JAK1: variants seen among roughly 807,000 people sequenced by gnomAD.
JAK1 encodes the protein Janus kinase 1, also known as tyrosine-protein kinase JAK1.
A neutral mutation model predicts 136.6 loss-of-function variants in JAK1; 16 were observed. The ratio of observed to expected loss-of-function variants is 0.12; its 90% CI spans 0.08 to 0.18. The LOEUF is 0.18. JAK1 is among the 10% of genes least tolerant of loss of function. The pLI is 1.00. For synonymous variants in JAK1, 492 were observed against 519.5 expected, an observed-to-expected ratio of 0.95 and a Z score of 0.72; for missense variants, 859 against 1,450.1, an observed-to-expected ratio of 0.59 and a Z score of 6.62.
intron 11 of JAK1, among the ~76,000 whole-genome samples, chr1:64,853,207 G>A (rs1308613348): frequency 6.6e-6 from 1 of 152,198 alleles, no homozygotes; most frequent in Non-Finnish European, 1.5e-5. Context: ...ACATGGCAAA[G>A]GGAAGAGAGA....
At chr1:64,955,051 A>G (rs1646158767) in intron 1 of JAK1, among the ~76,000 whole-genome samples, 1 of 152,240 alleles carries the variant, frequency 6.6e-6, no homozygotes, top group African/African-American at 2.4e-5. Context: ...ACAAGAATCA[A>G]GGATGTAATT....
intron 22 of JAK1, among the ~76,000 whole-genome samples, chr1:64,837,344 T>G (rs1304481058): frequency 6.6e-6 from 1 of 152,164 alleles, no homozygotes; most frequent in African/African-American, 2.4e-5. Flanking sequence ...GAGTGCTGAT[T>G]GGTTATGTCG....
intron 1 of JAK1, among the ~76,000 whole-genome samples, chr1:65,050,082 A>G (rs928962332): frequency 6.6e-6 from 1 of 152,176 alleles, no homozygotes; most frequent in African/African-American, 2.4e-5. Context: ...GGGATTTTGA[A>G]CACCTTGTTT....
In JAK1 at chr1:64,928,786, A is replaced by AAACAAAAAC. The variant is rs1553169992; in HGVS notation, c.-78+37546_-78+37547insGTTTTTGTT. Reference sequence around the variant, plus strand: ...AGTGCTATAAAACTCTGCAAAAAAAAAAAAAAAAAACAAAAAAAAAAAACT... The same window carrying AAACAAAAAC: ...AGTGCTATAAAACTCTGCAAAAAAAAAACAAAAACAAAAAAAAAACAAAAAAAAAAAACT... On this transcript the variant is annotated intron_variant, in intron 1 of 24. Coordinates refer to ENST00000342505, the MANE Select transcript of JAK1 (RefSeq NM_002227.4). Among the ~76,000 whole-genome samples, 433 of 117,946 alleles carry AAACAAAAAC rather than the reference A, an allele frequency of 3.7e-3. 9 individuals carry two copies. Among genetic ancestry groups the AAACAAAAAC allele is most frequent in the Middle Eastern group, 0.022 (6 of 274 alleles). The allele number at this position is 117,946 out of a possible 152,430, so 77.4% of individuals were successfully genotyped here.
chr1:65,024,221 C>T (rs1222972376), intron 2 of JAK1, among the ~76,000 whole-genome samples: 1 of 152,120 alleles, frequency 6.6e-6, no homozygotes, highest in African/African-American at 2.4e-5. Context: ...ACATTCCTAC[C>T]AGCAAGGTAC....
At chr1:64,903,287 A>G (rs377350154) in intron 1 of JAK1, among the ~76,000 whole-genome samples, 1 of 152,188 alleles carries the variant, frequency 6.6e-6, no homozygotes, top group African/African-American at 2.4e-5. Flanking sequence ...TCGGCCTCCC[A>G]AAGTGCTGGG....
chr1:64,836,374 A>G (rs1654479660), intron 22 of JAK1, among the ~76,000 whole-genome samples, 159 bp from the exon 23 acceptor site: 3 of 152,134 alleles, frequency 2.0e-5, no homozygotes, highest in Admixed American at 6.5e-5. Context: ...ATACGCTGCT[A>G]TGGTGCACAT....
intron 3 of JAK1, 89 bp from the exon 4 acceptor site, chr1:64,879,237 ACT>A (rs1644731505): frequency 1.4e-6 from 2 of 1,467,202 alleles, no homozygotes; most frequent in Non-Finnish European, 1.9e-6. Context: ...AAGATAAGGA[ACT>A]CTCTCATCCA....
At chr1:65,038,770 C>T (rs765348554) in intron 2 of JAK1, among the ~76,000 whole-genome samples, 76 of 152,144 alleles carry the variant, frequency 5.0e-4, no homozygotes, top group Admixed American at 1.1e-3. Flanking sequence ...TCCTGAGTAG[C>T]TGGGATTACA....
chr1:64,952,238 G>A (rs1646104804), intron 1 of JAK1, among the ~76,000 whole-genome samples: 1 of 152,132 alleles, frequency 6.6e-6, no homozygotes, highest in African/African-American at 2.4e-5. Context: ...GGAGTCTTGA[G>A]GTGGTGCCTA....
chr1:64,869,310 C>A lies in JAK1; in HGVS notation c.647+1G>T. On this transcript the variant is annotated splice_donor_variant, in intron 6 of 24. Transcript: ENST00000342505. LOFTEE classifies it high-confidence loss of function. Reference sequence around the variant, plus strand: ...ATTCTTCAGCCAGTGGGAAGCTTTACCTGATGTCCTTGGGCAGTTCTGGCA... The same window carrying A: ...ATTCTTCAGCCAGTGGGAAGCTTTAACTGATGTCCTTGGGCAGTTCTGGCA... 1 of 1,613,408 alleles carries A rather than the reference C, an allele frequency of 6.2e-7. No homozygotes were observed. The highest frequency in any genetic ancestry group is 8.5e-7 in the Non-Finnish European group (1 of 1,179,582).
intron 10 of JAK1, among the ~76,000 whole-genome samples, 167 bp from the exon 11 acceptor site, chr1:64,855,865 TCCAA>T (rs1420404888): frequency 1.3e-5 from 2 of 150,954 alleles, no homozygotes; most frequent in African/African-American, 5.0e-5. Context: ...CAATAAATAA[TCCAA>T]CCAACAACTA....
At position 64,866,930 on chromosome 1, in the gene JAK1, T is replaced by G; in HGVS notation, c.926A>C (p.Asn309Thr). The change falls in exon 7 of 25, where the codon AAC (asparagine) becomes ACC (threonine). Residue 309 changes from asparagine (N) to threonine (T), a missense_variant. Coordinates refer to ENST00000342505, the MANE Select transcript of JAK1 (RefSeq NM_002227.4). Reference protein sequence around the residue: ...MNWFHSNDGGNVLYYEVMVTG... With the variant: ...MNWFHSNDGGTVLYYEVMVTG... ...CACCATCACTTCGTAGTAGAGAACG[T>G]TTCCACCGTCATTCGAATGAAACCA... 1 of 1,614,246 alleles carries G rather than the reference T, an allele frequency of 6.2e-7. No homozygotes were observed. The highest frequency in any genetic ancestry group is 8.5e-7 in the Non-Finnish European group (1 of 1,180,036).
chr1:65,062,232 T>C (rs998146858), intron 1 of JAK1, among the ~76,000 whole-genome samples: 2 of 152,210 alleles, frequency 1.3e-5, no homozygotes, highest in African/African-American at 4.8e-5. Flanking sequence ...TTAGTCCAAC[T>C]GTATACTCCA....
intron 1 of JAK1, among the ~76,000 whole-genome samples, chr1:65,063,764 C>A (rs1229689295): frequency 7.2e-6 from 1 of 138,042 alleles, no homozygotes; most frequent in Non-Finnish European, 1.5e-5. Flanking sequence ...AAGATCGCGT[C>A]ACTGCACTCC....
chr1:64,866,758 A>G (rs2101112813), intron 7 of JAK1, 108 bp downstream of exon 7: 1 of 755,940 alleles, frequency 1.3e-6, no homozygotes, highest in Non-Finnish European at 2.2e-6. Flanking sequence ...AAATAAACTC[A>G]GCCTATGGGA....
At chr1:64,933,774 T>A (rs1010308938) in intron 1 of JAK1, among the ~76,000 whole-genome samples, 1 of 152,148 alleles carries the variant, frequency 6.6e-6, no homozygotes, top group South Asian at 2.1e-4. Context: ...CAAAATGCAA[T>A]CTATTTGCCT....
At chr1:65,026,777 C>A (rs1449794093) in intron 2 of JAK1, among the ~76,000 whole-genome samples, 1 of 151,908 alleles carries the variant, frequency 6.6e-6, no homozygotes, top group Admixed American at 6.6e-5. Flanking sequence ...ACCAACCTGG[C>A]CAACATGGTG....
chr1:64,946,393 T>C (rs1341752252), intron 1 of JAK1, among the ~76,000 whole-genome samples: 2 of 152,214 alleles, frequency 1.3e-5, no homozygotes, highest in Non-Finnish European at 2.9e-5. Context: ...GGCAAGGCTT[T>C]AGGTAACTTC....
Sources: allele counts gnomAD v4.1 joint callset (sites outside exome capture counted in the v4.1 genomes callset), GRCh38; gene constraint gnomAD v4.1.1; transcripts MANE v1.5; gene names NCBI Gene and HGNC (gene_info 2026-07-23, HGNC 2026-07-21).